The following PEX5L variants were observed in gnomAD, a reference collection of about 807,000 sequenced individuals.
PEX5L encodes the protein PEX5-related protein.
A neutral mutation model predicts 84.0 loss-of-function variants in PEX5L; 30 were observed. The observed-to-expected ratio is 0.36, with a 90% CI of 0.27 to 0.48. The LOEUF is 0.48. Among genes scored for constraint, PEX5L ranks in the 20% least tolerant of loss-of-function variants. PEX5L has a pLI of 0.99. For synonymous variants in PEX5L, 270 were observed against 283.1 expected (o/e 0.95, Z 0.46); for missense variants, 533 against 754.6 (o/e 0.71, Z 3.44).
intron 4 of PEX5L, among the ~76,000 whole-genome samples, chr3:179,887,258 A>G (rs145351044): frequency 3.8e-4 from 58 of 152,340 alleles, no homozygotes; most frequent in African/African-American, 1.4e-3. Flanking sequence ...TGTCATTTAA[A>G]TCCACTTGAA....
chr3:179,969,378 T>C (rs1579117861), intron 2 of PEX5L, among the ~76,000 whole-genome samples: 1 of 152,048 alleles, frequency 6.6e-6, no homozygotes, highest in East Asian at 1.9e-4. Flanking sequence ...AAAATACATA[T>C]ATATGTATAA....
chr3:179,895,187 A>G (rs1758849816), intron 3 of PEX5L, among the ~76,000 whole-genome samples: 1 of 152,146 alleles, frequency 6.6e-6, no homozygotes, highest in Non-Finnish European at 1.5e-5. Flanking sequence ...AAAAATCCAA[A>G]ATATTACCAT....
chr3:179,926,396 G>A (rs1455012819), intron 2 of PEX5L, among the ~76,000 whole-genome samples: 1 of 152,144 alleles, frequency 6.6e-6, no homozygotes, highest in African/African-American at 2.4e-5. Context: ...TGCTGTTCTT[G>A]GAACTTACTA....
Position 179,818,560 on chromosome 3 carries a change from T to G in PEX5L, c.939+1300A>C, listed in dbSNP as rs149285734. On this transcript the variant is annotated intron_variant, in intron 9 of 14. Coordinates refer to ENST00000467460, the MANE Select transcript of PEX5L (RefSeq NM_016559.3). ...TGTTCATTCTATGTAACTATGTTTT[T>G]GTACCCATTAACCATCCCCAGTTCC... Among the ~76,000 whole-genome samples the G allele has an allele frequency of 6.2e-3, 942 of 152,294 alleles. 4 individuals carry two copies. Among genetic ancestry groups the G allele is most frequent in the Non-Finnish European group, 9.7e-3 (660 of 68,026 alleles).
intron 7 of PEX5L, among the ~76,000 whole-genome samples, chr3:179,864,556 G>T (rs982532788): frequency 1.1e-4 from 17 of 151,988 alleles, no homozygotes; most frequent in Admixed American, 6.6e-5. Flanking sequence ...GGGAGATGTT[G>T]GTCAAAGGAT....
At chr3:179,856,573 T>C (rs1744044194) in intron 8 of PEX5L, among the ~76,000 whole-genome samples, 1 of 152,234 alleles carries the variant, frequency 6.6e-6, no homozygotes, top group African/African-American at 2.4e-5. Context: ...TCTTCCGCTA[T>C]GAATTTAGAT....
At chr3:179,808,991 G>A (rs1331934685) in intron 12 of PEX5L, among the ~76,000 whole-genome samples, 2 of 136,008 alleles carry the variant, frequency 1.5e-5, no homozygotes, top group East Asian at 2.5e-4. Context: ...GGAGAATGGC[G>A]TGAACCCGGG....
At position 179,800,677 on chromosome 3, in the gene PEX5L, T is replaced by C. The variant is rs1427392701; in HGVS notation, c.*1151A>G. 1 of 152,192 alleles carries C rather than the reference T, an allele frequency of 6.6e-6. No individual in the cohort carries two copies. Among genetic ancestry groups the C allele is most frequent in the Non-Finnish European group, 1.5e-5 (1 of 68,026 alleles). 9.4% of individuals were successfully genotyped at this position (152,192 alleles called of 1,614,324 possible). ...CATTCAGTGAGATTTGGTTTGAAAGTGTTGCTCTTCTATCACTTAGAATGC... is the reference window on the plus strand; with the variant it reads ...CATTCAGTGAGATTTGGTTTGAAAGCGTTGCTCTTCTATCACTTAGAATGC... On this transcript the variant is annotated 3_prime_UTR_variant, in exon 15 of 15. Coordinates refer to ENST00000467460, the MANE Select transcript of PEX5L (RefSeq NM_016559.3).
chr3:180,013,455 T>C (rs1789661628), intron 1 of PEX5L, among the ~76,000 whole-genome samples: 1 of 152,198 alleles, frequency 6.6e-6, no homozygotes, highest in South Asian at 2.1e-4. Context: ...ACCAATGTTT[T>C]AATCTTTAAT....
At chr3:179,888,188 C>T (rs1315385063) in intron 3 of PEX5L, 3 of 1,288,812 alleles carry the variant, frequency 2.3e-6, no homozygotes, top group Non-Finnish European at 3.0e-6. Flanking sequence ...TTCTGGTTAG[C>T]ACTGCTCAGT....
intron 1 of PEX5L, among the ~76,000 whole-genome samples, chr3:179,984,278 T>C (rs747565905): frequency 4.6e-5 from 7 of 152,148 alleles, no homozygotes; most frequent in Non-Finnish European, 8.8e-5. Context: ...TATGATAGTC[T>C]AATTTTCTTC....
At chr3:179,840,177 G>GTTTTTTTTT (rs1560319639) in intron 8 of PEX5L, among the ~76,000 whole-genome samples, 2 of 107,872 alleles carry the variant, frequency 1.9e-5, no homozygotes, top group African/African-American at 7.7e-5. Flanking sequence ...GTGTGTGTGT[G>GTTTTTTTTT]TGTGTGTTTT....
chr3:179,905,883 T>C (rs1027159484), intron 2 of PEX5L, among the ~76,000 whole-genome samples: 1 of 152,252 alleles, frequency 6.6e-6, no homozygotes, highest in African/African-American at 2.4e-5. Flanking sequence ...TAGTCCTCTA[T>C]GGGCACATAA....
chr3:179,958,203 A>G (rs1781088615), intron 2 of PEX5L, among the ~76,000 whole-genome samples: 1 of 152,158 alleles, frequency 6.6e-6, no homozygotes, highest in Non-Finnish European at 1.5e-5. Flanking sequence ...AGATTTTACC[A>G]TCTTATGTTA....
chr3:179,804,416 A>G (rs1720368836), intron 14 of PEX5L: 1 of 152,184 alleles, frequency 6.6e-6, no homozygotes, highest in Non-Finnish European at 1.5e-5. Flanking sequence ...AAATATTACT[A>G]TCAAGCAGGA....
At chr3:180,009,922 G>A (rs1789272355) in intron 1 of PEX5L, among the ~76,000 whole-genome samples, 2 of 152,114 alleles carry the variant, frequency 1.3e-5, no homozygotes, top group African/African-American at 4.8e-5. Context: ...AGAAACATTT[G>A]GTAGTGTGTA....
intron 1 of PEX5L, among the ~76,000 whole-genome samples, chr3:179,972,537 T>G (rs1461969304): frequency 1.3e-5 from 2 of 152,134 alleles, no homozygotes; most frequent in Non-Finnish European, 2.9e-5. Context: ...TAAAAACCAC[T>G]ACATAGTTAG....
chr3:179,829,052 G>C (rs189704164), intron 8 of PEX5L, among the ~76,000 whole-genome samples: 135 of 152,288 alleles, frequency 8.9e-4, no homozygotes, highest in Non-Finnish European at 1.7e-3. Flanking sequence ...GTACTAACCA[G>C]TAATTTAAAA....
intron 2 of PEX5L, among the ~76,000 whole-genome samples, chr3:179,932,377 G>T (rs969936490): frequency 6.6e-6 from 1 of 152,078 alleles, no homozygotes; most frequent in African/African-American, 2.4e-5. Context: ...GTTTACGTTT[G>T]CTTGAGTTTC....
Sources: allele counts gnomAD v4.1 joint callset (sites outside exome capture counted in the v4.1 genomes callset), GRCh38; gene constraint gnomAD v4.1.1; transcripts MANE v1.5; gene names NCBI Gene and HGNC (gene_info 2026-07-23, HGNC 2026-07-21).